Variants in SMC5 observed in about 807,000 individuals in gnomAD.
The protein encoded by SMC5 is structural maintenance of chromosomes protein 5.
Under a neutral mutation model 148.3 loss-of-function variants are expected in SMC5, and 88 were observed. The observed-to-expected ratio is 0.59, with a 90% confidence interval of 0.50 to 0.71. SMC5 has a LOEUF of 0.71. Among genes scored for constraint, SMC5 ranks in the 30% least tolerant of loss-of-function variants. SMC5 has a pLI of 0.00. For missense variants in SMC5, 1,142 were observed against 1,298.9 expected (o/e 0.88, Z 1.86); for synonymous variants, 421 against 432.8 (o/e 0.97, Z 0.34).
intron 17 of SMC5, among the ~76,000 whole-genome samples, chr9:70,333,761 A>G (rs1242050496): frequency 2.0e-5 from 3 of 152,140 alleles, no homozygotes; most frequent in African/African-American, 7.2e-5. Context: ...TACTAGGGAT[A>G]TATTTAAAAG....
intron 7 of SMC5, among the ~76,000 whole-genome samples, chr9:70,284,442 C>T (rs1249262765): frequency 6.6e-6 from 1 of 151,984 alleles, no homozygotes; most frequent in African/African-American, 2.4e-5. Context: ...AATTGGCAGT[C>T]GTTGTTATGT....
At chr9:70,283,721 G>A (rs1210627343) in intron 7 of SMC5, among the ~76,000 whole-genome samples, 3 of 152,036 alleles carry the variant, frequency 2.0e-5, no homozygotes, top group Non-Finnish European at 2.9e-5. Context: ...CTGCTATTGG[G>A]AAAAAATTGT....
chr9:70,337,436 G>T (rs1277371509), intron 17 of SMC5, among the ~76,000 whole-genome samples: 1 of 140,872 alleles, frequency 7.1e-6, no homozygotes, highest in Non-Finnish European at 1.5e-5. Flanking sequence ...GATAAATACT[G>T]TGTTTTGGGA....
intron 8 of SMC5, among the ~76,000 whole-genome samples, chr9:70,294,052 T>G (rs1389485745): frequency 6.6e-6 from 1 of 151,944 alleles, no homozygotes; most frequent in Admixed American, 6.6e-5. Flanking sequence ...CTACATGGAG[T>G]CTCCTTACAT....
chr9:70,259,332 G>C, intron 1 of SMC5, 69 bp downstream of exon 1: 2 of 1,464,812 alleles, frequency 1.4e-6, no homozygotes, highest in East Asian at 2.5e-5. Flanking sequence ...GGCTCCGGCA[G>C]CGCGCGGGCG....
At chr9:70,351,445 G>A (rs190126080) in intron 24 of SMC5, among the ~76,000 whole-genome samples, 8 of 151,424 alleles carry the variant, frequency 5.3e-5, no homozygotes, top group Non-Finnish European at 7.4e-5. Context: ...AGATAGTCTT[G>A]TGGAATAGTC....
chr9:70,350,539 T>C, intron 24 of SMC5, 68 bp downstream of exon 24: 1 of 1,076,932 alleles, frequency 9.3e-7, no homozygotes, highest in Middle Eastern at 2.3e-4. Flanking sequence ...CATACAGTTT[T>C]TGTCCCAACA....
At chr9:70,330,373 A>T (rs1167770819) in intron 17 of SMC5, among the ~76,000 whole-genome samples, 1 of 152,086 alleles carries the variant, frequency 6.6e-6, no homozygotes, top group African/African-American at 2.4e-5. Flanking sequence ...CCCCCAGTTG[A>T]GAACCACTGG....
chr9:70,274,381 G>A (rs760344699), intron 3 of SMC5, among the ~76,000 whole-genome samples: 3 of 151,984 alleles, frequency 2.0e-5, no homozygotes, highest in African/African-American at 4.8e-5. Context: ...GCGCCCGGCC[G>A]TGAATTCAAC....
chr9:70,289,145 C>G (rs1230303513), intron 8 of SMC5, among the ~76,000 whole-genome samples: 2 of 152,104 alleles, frequency 1.3e-5, no homozygotes, highest in Non-Finnish European at 2.9e-5. Flanking sequence ...TCAAGCGATT[C>G]TCCTGCCTGA....
At position 70,314,806 on chromosome 9, in the gene SMC5, A is replaced by G. The variant is rs756202176; in HGVS notation, c.1643A>G (p.Lys548Arg). Residue 548 changes from lysine (K) to arginine (R), a missense_variant, in exon 12 of 25, where the codon AAA becomes AGA. By Grantham distance (26) the Lys-to-Arg change is conservative (BLOSUM62 2). Coordinates refer to ENST00000361138, the MANE Select transcript of SMC5 (RefSeq NM_015110.4). ...VIAPKSSYAD[K>R]APSRSLNELK... ...GCTCCCAAGAGTTCATATGCAGACA[A>G]AGCACCTTCAAGATCTTTGAATGAA... 15 of 1,571,266 alleles carry G rather than the reference A, an allele frequency of 9.5e-6. No homozygotes were observed. The highest frequency in any genetic ancestry group is 7.2e-5 in the Admixed American group (4 of 55,436).
At position 70,314,456 on chromosome 9, in the gene SMC5, T is replaced by A. The variant is rs565925296; in HGVS notation, c.1579-286T>A. 1.5e-4 allele frequency among the ~76,000 whole-genome samples: 23 copies of A among 152,244 alleles called. No individual in the cohort carries two copies. The South Asian group carries it at 4.8e-3, about 32-fold the overall frequency. ...AATACAAGATAATCTGCCAATAATG[T>A]AAGCATAACTATCTCCCTTCTGTAT... On this transcript the variant is annotated intron_variant, in intron 11 of 24. Transcript: ENST00000361138.
At chr9:70,307,345 A>G (rs182395860) in intron 11 of SMC5, among the ~76,000 whole-genome samples, 3 of 152,300 alleles carry the variant, frequency 2.0e-5, no homozygotes, top group Non-Finnish European at 2.9e-5. Context: ...AACCCAATCT[A>G]GTAGGTTTAA....
chr9:70,322,681 C>T (rs1564059218), intron 15 of SMC5, among the ~76,000 whole-genome samples: 1 of 151,996 alleles, frequency 6.6e-6, no homozygotes, highest in East Asian at 1.9e-4. Flanking sequence ...ACTAAAAATA[C>T]AAAAATTATC....
chr9:70,303,390 A>G (rs1027936582), intron 10 of SMC5, among the ~76,000 whole-genome samples: 1 of 152,182 alleles, frequency 6.6e-6, no homozygotes. Flanking sequence ...AAACATCCAC[A>G]TACGTTTTCT....
intron 17 of SMC5, among the ~76,000 whole-genome samples, chr9:70,343,497 C>T (rs1015100617): frequency 1.3e-5 from 2 of 152,082 alleles, no homozygotes; most frequent in Non-Finnish European, 2.9e-5. Context: ...AGCCTGTGTA[C>T]TGTGTATCTC....
At position 70,307,433 on chromosome 9, in the gene SMC5, C is replaced by T. The variant is rs140896234; in HGVS notation, c.1578+2073C>T. 3.9e-3 allele frequency among the ~76,000 whole-genome samples: 599 copies of T among 151,906 alleles called. 4 individuals carry two copies. Among genetic ancestry groups the T allele is most frequent in the African/African-American group, 0.013 (554 of 41,446 alleles). On this transcript the variant is annotated intron_variant, in intron 11 of 24. Coordinates refer to ENST00000361138, the MANE Select transcript of SMC5 (RefSeq NM_015110.4). ...TTCTACCTATAAGAAAGAGCTTTTT[C>T]TTCTCCTCCATTTATTTGTTTGTTG...
At chr9:70,317,215 G>C (rs1441213997) in intron 13 of SMC5, among the ~76,000 whole-genome samples, 1 of 151,892 alleles carries the variant, frequency 6.6e-6, no homozygotes, top group African/African-American at 2.4e-5. Flanking sequence ...GGCAATAATG[G>C]CTGTATCTCT....
Position 70,309,318 on chromosome 9 carries a change from C to CTTTTTTTTTTTTT in SMC5, c.1578+3977_1578+3989dup, listed in dbSNP as rs59694037. Among the ~76,000 whole-genome samples, 204 of 79,138 alleles carry CTTTTTTTTTTTTT rather than the reference C, an allele frequency of 2.6e-3. 14 individuals carry two copies. Among genetic ancestry groups the CTTTTTTTTTTTTT allele is most frequent in the South Asian group, 3.5e-3 (7 of 2,018 alleles). The allele number at this position is 79,138 out of a possible 152,430, so 51.9% of individuals were successfully genotyped here. ...ATAGCAGAATTTCTTTTTCCTTTTC[C>CTTTTTTTTTTTTT]TTTTTTTTTTTTTTTTTTTTTTTTT... On this transcript the variant is annotated intron_variant, in intron 11 of 24. Coordinates refer to ENST00000361138, the MANE Select transcript of SMC5 (RefSeq NM_015110.4).
Sources: allele counts gnomAD v4.1 joint callset (sites outside exome capture counted in the v4.1 genomes callset), GRCh38; gene constraint gnomAD v4.1.1; transcripts MANE v1.5; gene names NCBI Gene and HGNC (gene_info 2026-07-23, HGNC 2026-07-21).